Variants in SEMA5A observed in about 807,000 individuals in gnomAD.
The protein encoded by SEMA5A is semaphorin-5A.
Under a neutral mutation model 135.5 loss-of-function variants are expected in SEMA5A, and 55 were observed. That is an observed-to-expected ratio of 0.41 (90% CI 0.33 to 0.51). The LOEUF is 0.51. Ranked by LOEUF, SEMA5A falls within the 20% of genes least tolerant of loss-of-function variation. The probability of loss-of-function intolerance (pLI) is 0.37; values close to 1 mark genes in which losing one functional copy is unlikely to be tolerated. For missense variants in SEMA5A, 1,290 were observed against 1,419.9 expected (o/e 0.91, Z 1.47); for synonymous variants, 580 against 546.5 (o/e 1.06, Z -0.85).
intron 5 of SEMA5A, among the ~76,000 whole-genome samples, chr5:9,304,944 T>C (rs1751788618): frequency 6.6e-6 from 1 of 152,222 alleles, no homozygotes; most frequent in African/African-American, 2.4e-5. Flanking sequence ...AATGTAAGTC[T>C]CCTTTTTGTC....
chr5:9,382,329 T>A (rs551246176), intron 2 of SEMA5A, among the ~76,000 whole-genome samples: 1 of 150,246 alleles, frequency 6.7e-6, no homozygotes, highest in East Asian at 2.0e-4. Flanking sequence ...AATGAATACA[T>A]AAAAGAGAGA....
At chr5:9,071,076 A>G (rs914306064) in intron 16 of SEMA5A, among the ~76,000 whole-genome samples, 1 of 152,232 alleles carries the variant, frequency 6.6e-6, no homozygotes, top group African/African-American at 2.4e-5. Flanking sequence ...TTTGGCACCT[A>G]AGGTTCTTAA....
chr5:9,142,584 C>G (rs933244089), intron 12 of SEMA5A, among the ~76,000 whole-genome samples: 2 of 152,178 alleles, frequency 1.3e-5, no homozygotes, highest in African/African-American at 4.8e-5. Flanking sequence ...TTATCCCTTC[C>G]CTAATTCCTA....
rs536497672 is a variant in SEMA5A, at chr5:9,147,913, A to G, written c.1481+6575T>C. Reference sequence around the variant, plus strand: ...TCCATTTGCTAATTTAACAAATATTATATTTACTGACCCTTTTTTGAGCTG... The same window carrying G: ...TCCATTTGCTAATTTAACAAATATTGTATTTACTGACCCTTTTTTGAGCTG... On this transcript the variant is annotated intron_variant, in intron 12 of 22. Coordinates refer to ENST00000382496, the MANE Select transcript of SEMA5A (RefSeq NM_003966.3). Among the ~76,000 whole-genome samples the G allele has an allele frequency of 3.9e-5, 6 of 152,312 alleles. No homozygotes were observed. The East Asian group carries it at 1.2e-3, about 29-fold the overall frequency.
chr5:9,513,660 T>A (rs1201241410), intron 1 of SEMA5A, among the ~76,000 whole-genome samples: 3 of 152,200 alleles, frequency 2.0e-5, no homozygotes, highest in Non-Finnish European at 4.4e-5. Context: ...GCCAAGCAAC[T>A]AAAGATTCAC....
chr5:9,416,009 ACT>A (rs1397731609), intron 2 of SEMA5A, among the ~76,000 whole-genome samples: 1 of 152,096 alleles, frequency 6.6e-6, no homozygotes, highest in Admixed American at 6.5e-5. Context: ...AGCTCAATAA[ACT>A]CTGTGTTTCA....
At chr5:9,404,950 C>T (rs754452446) in intron 2 of SEMA5A, among the ~76,000 whole-genome samples, 2 of 152,080 alleles carry the variant, frequency 1.3e-5, no homozygotes, top group Non-Finnish European at 2.9e-5. Flanking sequence ...AAAGAAAGGG[C>T]GAATATAAGG....
chr5:9,231,374 G>C (rs963094816), intron 6 of SEMA5A, among the ~76,000 whole-genome samples: 6 of 148,546 alleles, frequency 4.0e-5, no homozygotes, highest in African/African-American at 1.5e-4. Context: ...GACTGAAGTG[G>C]GAGAATTTCT....
chr5:9,491,309 A>G (rs1734991101), intron 1 of SEMA5A, among the ~76,000 whole-genome samples: 1 of 152,078 alleles, frequency 6.6e-6, no homozygotes, highest in Non-Finnish European at 1.5e-5. Context: ...ATGATGTTCT[A>G]TTGGTGGATG....
At chr5:9,329,980 T>C (rs932003472) in intron 4 of SEMA5A, among the ~76,000 whole-genome samples, 14 of 152,336 alleles carry the variant, frequency 9.2e-5, no homozygotes, top group Admixed American at 5.9e-4. Flanking sequence ...TTTATTGTTG[T>C]ATTGTTTGTT....
intron 5 of SEMA5A, among the ~76,000 whole-genome samples, chr5:9,302,900 GTTTTC>G (rs1256064011): frequency 1.3e-5 from 2 of 152,004 alleles, no homozygotes; most frequent in African/African-American, 4.8e-5. Flanking sequence ...AATTTTGCCT[GTTTTC>G]TTTATGAATC....
At chr5:9,213,005 T>A (rs931407567) in intron 8 of SEMA5A, among the ~76,000 whole-genome samples, 1 of 152,206 alleles carries the variant, frequency 6.6e-6, no homozygotes, top group Non-Finnish European at 1.5e-5. Flanking sequence ...AGATGTGGTG[T>A]CTGGCAAGGG....
intron 6 of SEMA5A, among the ~76,000 whole-genome samples, chr5:9,236,746 C>T (rs774274881): frequency 2.6e-5 from 4 of 152,068 alleles, no homozygotes; most frequent in Admixed American, 1.3e-4. Context: ...TTTATTTCCC[C>T]CTTGTCTCCA....
intron 9 of SEMA5A, among the ~76,000 whole-genome samples, chr5:9,198,455 G>A (rs542140679): frequency 5.3e-5 from 8 of 152,248 alleles, no homozygotes; most frequent in African/African-American, 1.9e-4. Flanking sequence ...CCCCAGTATG[G>A]CTCCAAATGC....
At chr5:9,317,565 C>A (rs1752445531) in intron 5 of SEMA5A, among the ~76,000 whole-genome samples, 1 of 152,120 alleles carries the variant, frequency 6.6e-6, no homozygotes, top group Admixed American at 6.6e-5. Context: ...TAAATGTTCA[C>A]AAGCAGCAGC....
chr5:9,384,709 T>TAGACAGAC (rs1287474548), intron 2 of SEMA5A, among the ~76,000 whole-genome samples: 1 of 127,392 alleles, frequency 7.8e-6, no homozygotes, highest in African/African-American at 3.3e-5. Context: ...GATAGATAGA[T>TAGACAGAC]AGATAGACAG....
chr5:9,270,730 C>T (rs1749931302), intron 5 of SEMA5A, among the ~76,000 whole-genome samples: 1 of 151,408 alleles, frequency 6.6e-6, no homozygotes, highest in Non-Finnish European at 1.5e-5. Flanking sequence ...AGGGTTTCCC[C>T]AGGACAAGGT....
intron 2 of SEMA5A, among the ~76,000 whole-genome samples, chr5:9,388,713 C>T (rs1756009484): frequency 6.6e-6 from 1 of 152,032 alleles, no homozygotes; most frequent in Non-Finnish European, 1.5e-5. Flanking sequence ...TCCTGGCTAA[C>T]ACAGTGAAAC....
chr5:9,310,906 T>C (rs1409648474), intron 5 of SEMA5A, among the ~76,000 whole-genome samples: 1 of 151,072 alleles, frequency 6.6e-6, no homozygotes, highest in East Asian at 1.9e-4. Flanking sequence ...ATATGAATCT[T>C]TAGTGTTTAG....
Sources: gnomAD v4.1 joint callset for allele counts (sites outside exome capture counted in the v4.1 genomes callset) on GRCh38, gnomAD v4.1.1 for gene constraint, MANE v1.5 for transcripts, NCBI Gene and HGNC (gene_info 2026-07-23, HGNC 2026-07-21) for gene names.